LRCH2: variants seen among roughly 807,000 people sequenced by gnomAD.
LRCH2 encodes the protein leucine rich repeats and calponin homology domain containing 2.
In LRCH2, 38 loss-of-function variants were observed where a neutral mutation model predicts 68.9. The observed-to-expected ratio is 0.55, with a 90% CI of 0.43 to 0.72. LRCH2 has a LOEUF of 0.72. LRCH2 is among the 30% of genes least tolerant of loss of function. The pLI, the probability that LRCH2 is intolerant of heterozygous loss-of-function variation, is 0.00. For missense variants in LRCH2, 528 were observed against 572.9 expected (o/e 0.92, Z 0.80); for synonymous variants, 191 against 208.1 (o/e 0.92, Z 0.71).
intron 2 of LRCH2, among the ~76,000 whole-genome samples, chrX:115,184,834 T>C (rs2072719870): frequency 8.9e-6 from 1 of 111,770 alleles, no homozygotes; most frequent in African/African-American, 3.3e-5. Context: ...ATCCATAGCA[T>C]AGCAAACCCT....
At chrX:115,165,717 G>C (rs1206133681) in intron 8 of LRCH2, 62 bp from the exon 9 acceptor site, 77 of 934,567 alleles carry the variant, frequency 8.2e-5, no homozygotes, top group Non-Finnish European at 1.0e-4. Flanking sequence ...TGACACTGCT[G>C]TCCTTAGAAA....
At position 115,189,462 on chromosome X, in the gene LRCH2, A is replaced by G. The variant is rs1556556052; in HGVS notation, c.350-1092T>C. ...GAGACATGATGGAAGCGGATCGCCC[A>G]GAGAAGCTTTTCATTGGGGGCCTCA... On this transcript the variant is annotated intron_variant, in intron 1 of 20. Transcript: ENST00000317135. The G allele has an allele frequency of 4.3e-6, 5 of 1,175,988 alleles. No individual in the cohort carries two copies. In the South Asian group the frequency reaches 9.4e-5, roughly 22 times the overall value.
At chrX:115,208,425 A>G (rs1569517078) in intron 1 of LRCH2, among the ~76,000 whole-genome samples, 1 of 112,058 alleles carries the variant, frequency 8.9e-6, no homozygotes, top group Non-Finnish European at 1.9e-5. Flanking sequence ...CCTTCCTTCA[A>G]GACATTCCTT....
chrX:115,117,961 GAAAACATCCT>G (rs377359202), intron 20 of LRCH2, among the ~76,000 whole-genome samples: 6,211 of 110,024 alleles, frequency 0.056, 436 homozygotes, highest in African/African-American at 0.19. Flanking sequence ...TTAAAAATTG[GAAAACATCCT>G]AAAACAAAGA....
At chrX:115,186,209 CG>C (rs1197819655) in intron 2 of LRCH2, among the ~76,000 whole-genome samples, 2 of 110,380 alleles carry the variant, frequency 1.8e-5, no homozygotes, top group Non-Finnish European at 3.8e-5. Flanking sequence ...AAAAATTAGT[CG>C]GGCCTGGTGA....
chrX:115,124,743 C>G (rs1158176680), intron 16 of LRCH2, among the ~76,000 whole-genome samples: 1 of 111,798 alleles, frequency 8.9e-6, no homozygotes, highest in Admixed American at 9.5e-5. Context: ...TCAGTCACTT[C>G]TCTGCCATTT....
chrX:115,219,669 A>G (rs1430089329), intron 1 of LRCH2, among the ~76,000 whole-genome samples: 1 of 112,083 alleles, frequency 8.9e-6, no homozygotes, highest in Non-Finnish European at 1.9e-5. Context: ...AGTCAATTCT[A>G]GACTGCAGCT....
At chrX:115,114,277 TAA>T (rs1170066884) in intron 20 of LRCH2, among the ~76,000 whole-genome samples, 1 of 111,445 alleles carries the variant, frequency 9.0e-6, no homozygotes, top group African/African-American at 3.2e-5. Context: ...TGGTATCCCA[TAA>T]AGAGTTCTCA....
At chrX:115,183,000 G>C (rs1026776149) in intron 3 of LRCH2, among the ~76,000 whole-genome samples, 2 of 109,978 alleles carry the variant, frequency 1.8e-5, no homozygotes, top group Non-Finnish European at 1.9e-5. Flanking sequence ...TTCAAAATAA[G>C]AAAGATTAAT....
At chrX:115,191,578 G>A (rs2072822631) in intron 1 of LRCH2, 36 of 1,083,002 alleles carry the variant, frequency 3.3e-5, no homozygotes, top group Non-Finnish European at 4.4e-5. Flanking sequence ...GGAGTACCGA[G>A]GCCACTCGCT....
In LRCH2 at chrX:115,191,201, G is replaced by A. The variant is rs1556558910; in HGVS notation, c.350-2831C>T. 5 of 1,157,691 alleles carry A rather than the reference G, an allele frequency of 4.3e-6. No homozygotes were observed. In the South Asian group the frequency reaches 5.7e-5, roughly 13 times the overall value. On this transcript the variant is annotated intron_variant, in intron 1 of 20. Coordinates refer to ENST00000317135, the MANE Select transcript of LRCH2 (RefSeq NM_020871.4). ...TCCAGCCAGAGCAACCGCTACGGAG[G>A]AGGAGGCTGCTACGAGGAGTACCGA...
chrX:115,180,577 C>T (rs782044304), intron 3 of LRCH2, among the ~76,000 whole-genome samples: 12 of 111,583 alleles, frequency 1.1e-4, no homozygotes, highest in African/African-American at 3.9e-4. Context: ...TCATTCCAGA[C>T]ACACTTCAAA....
chrX:115,189,005 A>G (rs1159979810), intron 1 of LRCH2, among the ~76,000 whole-genome samples: 5 of 111,350 alleles, frequency 4.5e-5, no homozygotes, highest in Non-Finnish European at 9.4e-5. Flanking sequence ...AACCCCCTCC[A>G]TCTGCCTCTT....
At chrX:115,119,775 C>G (rs1203686936) in intron 20 of LRCH2, among the ~76,000 whole-genome samples, 28 of 96,461 alleles carry the variant, frequency 2.9e-4, no homozygotes, top group African/African-American at 8.7e-4. Flanking sequence ...AACTATACTA[C>G]AAGGCTACAG....
rs1453598911 is a variant in LRCH2 at position 115,189,853 on chromosome X, G to A, written c.350-1483C>T. 20 of 1,165,891 alleles carry A rather than the reference G, an allele frequency of 1.7e-5. No homozygotes were observed. The highest frequency in any genetic ancestry group is 2.3e-4 in the Middle Eastern group (1 of 4,289). ...CGGCCGCGGCTACGCGGGGTATTTC[G>A]ACCTGTGGCCCTACAGGGCCCCGAT... On this transcript the variant is annotated intron_variant, in intron 1 of 20. Coordinates refer to ENST00000317135, the MANE Select transcript of LRCH2 (RefSeq NM_020871.4).
intron 3 of LRCH2, 54 bp from the exon 4 acceptor site, chrX:115,179,805 TTA>T (rs1224828437): frequency 5.7e-4 from 283 of 497,712 alleles, no homozygotes; most frequent in East Asian, 7.1e-4. Context: ...AATACATATA[TTA>T]TATATATATA....
At chrX:115,173,760 T>C (rs1556548627) in intron 5 of LRCH2, among the ~76,000 whole-genome samples, 1 of 111,626 alleles carries the variant, frequency 9.0e-6, no homozygotes, top group African/African-American at 3.3e-5. Context: ...ATGGATTTTC[T>C]TCCACCTCTG....
chrX:115,232,145 A>G, intron 1 of LRCH2, among the ~76,000 whole-genome samples: 1 of 110,570 alleles, frequency 9.0e-6, no homozygotes, highest in Non-Finnish European at 1.9e-5. Context: ...ATAAGGTTGC[A>G]ACAATAAAGT....
intron 5 of LRCH2, among the ~76,000 whole-genome samples, chrX:115,176,689 A>T (rs1182818820): frequency 9.2e-6 from 1 of 108,267 alleles, no homozygotes; most frequent in Non-Finnish European, 1.9e-5. Flanking sequence ...CATGTTAGAG[A>T]TTACTCTTGC....
Sources: allele counts gnomAD v4.1 joint callset (sites outside exome capture counted in the v4.1 genomes callset), GRCh38; gene constraint gnomAD v4.1.1; transcripts MANE v1.5; gene names NCBI Gene and HGNC (gene_info 2026-07-23, HGNC 2026-07-21).